MYRIP: variants seen among roughly 807,000 people sequenced by gnomAD.
MYRIP encodes the protein myosin VIIA and Rab interacting protein.
In MYRIP, 49 loss-of-function variants were observed where a neutral mutation model predicts 98.0. That is an observed-to-expected ratio of 0.50 (90% CI 0.40 to 0.63). The LOEUF is 0.63. MYRIP is among the 30% of genes least tolerant of loss of function. MYRIP has a pLI of 0.00. For synonymous variants in MYRIP, 404 were observed against 409.5 expected (o/e 0.99, Z 0.16); for missense variants, 1,004 against 1,058.2 (o/e 0.95, Z 0.71).
At chr3:39,985,207 A>G (rs1191930105) in intron 2 of MYRIP, among the ~76,000 whole-genome samples, 1 of 150,290 alleles carries the variant, frequency 6.7e-6, no homozygotes, top group Non-Finnish European at 1.5e-5. Context: ...CCCATTCACA[A>G]TTGCTTCAAA....
At chr3:40,252,506 A>T (rs2125724963) in intron 16 of MYRIP, among the ~76,000 whole-genome samples, 1 of 152,362 alleles carries the variant, frequency 6.6e-6, no homozygotes, top group East Asian at 1.9e-4. Flanking sequence ...GGCACAATAG[A>T]CATAGCACCG....
At chr3:40,140,910 A>AATC (rs1949878491) in intron 3 of MYRIP, among the ~76,000 whole-genome samples, 1 of 152,238 alleles carries the variant, frequency 6.6e-6, no homozygotes, top group Admixed American at 6.5e-5. Context: ...TTAGACTTAC[A>AATC]ATCTAATTTT....
chr3:40,196,825 T>G (rs1301187783), intron 10 of MYRIP, among the ~76,000 whole-genome samples: 2 of 152,202 alleles, frequency 1.3e-5, no homozygotes. Context: ...TCCTGTAGTT[T>G]TCTTAATTCC....
chr3:40,223,766 A>G (rs1365946927), intron 11 of MYRIP, among the ~76,000 whole-genome samples: 1 of 152,230 alleles, frequency 6.6e-6, no homozygotes, highest in Admixed American at 6.5e-5. Context: ...GGTGCAATGC[A>G]GTATGGATAA....
intron 3 of MYRIP, among the ~76,000 whole-genome samples, chr3:40,106,092 G>T (rs551147213): frequency 2.0e-5 from 3 of 151,950 alleles, no homozygotes; most frequent in Non-Finnish European, 4.4e-5. Flanking sequence ...TTTGGGTGGG[G>T]ACACATATCC....
intron 3 of MYRIP, among the ~76,000 whole-genome samples, chr3:40,053,178 T>C (rs1044037648): frequency 1.3e-5 from 2 of 152,020 alleles, no homozygotes; most frequent in African/African-American, 4.8e-5. Context: ...GTGTTGCCCT[T>C]CCCCCCATCC....
intron 2 of MYRIP, among the ~76,000 whole-genome samples, chr3:39,955,122 C>A (rs1945122401): frequency 6.6e-6 from 1 of 152,072 alleles, no homozygotes; most frequent in South Asian, 2.1e-4. Flanking sequence ...TACAGGAGAA[C>A]TTCCCCAATC....
chr3:39,997,273 TGA>T (rs1946385140), intron 2 of MYRIP, among the ~76,000 whole-genome samples: 1 of 151,340 alleles, frequency 6.6e-6, no homozygotes, highest in Non-Finnish European at 1.5e-5. Context: ...TCAACAAAAT[TGA>T]TAGACCCCTA....
chr3:39,976,817 G>A (rs1198606061), intron 2 of MYRIP, among the ~76,000 whole-genome samples: 1 of 152,088 alleles, frequency 6.6e-6, no homozygotes, highest in Non-Finnish European at 1.5e-5. Flanking sequence ...AACACCGCAT[G>A]TTCTCACTCA....
At chr3:40,032,449 TGTG>T (rs1947282353) in intron 2 of MYRIP, among the ~76,000 whole-genome samples, 1 of 152,162 alleles carries the variant, frequency 6.6e-6, no homozygotes, top group African/African-American at 2.4e-5. Context: ...CTTCCAACTA[TGTG>T]GTCAATTTTT....
intron 1 of MYRIP, among the ~76,000 whole-genome samples, chr3:39,847,120 A>G (rs1477345893): frequency 6.6e-6 from 1 of 152,206 alleles, no homozygotes; most frequent in Non-Finnish European, 1.5e-5. Flanking sequence ...TCCATCCTTT[A>G]TCAACTTGGC....
In MYRIP at chr3:39,870,887, G is replaced by A. The variant is rs559190890; in HGVS notation, c.-30-29900G>A. On this transcript the variant is annotated intron_variant, in intron 1 of 16. Coordinates refer to ENST00000302541, the MANE Select transcript of MYRIP (RefSeq NM_015460.4). ...ACCAACTTATACTATAGTTCATGAC[G>A]TAGTGACTGATGAGTAGTTCAGTAT... Among the ~76,000 whole-genome samples, 126 of 152,254 alleles carry A rather than the reference G, an allele frequency of 8.3e-4. 1 individual carries two copies. The highest frequency in any genetic ancestry group is 2.9e-3 in the African/African-American group (119 of 41,554).
chr3:40,195,564 G>A (rs1951365065), intron 10 of MYRIP, among the ~76,000 whole-genome samples: 1 of 152,136 alleles, frequency 6.6e-6, no homozygotes, highest in Non-Finnish European at 1.5e-5. Flanking sequence ...CCAAAGTGCT[G>A]GGATTACAGG....
At position 40,147,820 on chromosome 3, in the gene MYRIP, T is replaced by C. The variant is rs548258294; in HGVS notation, c.333-3228T>C. On this transcript the variant is annotated intron_variant, in intron 3 of 16. Transcript: ENST00000302541. The stretch of plus-strand genomic sequence containing the variant: ...TACATGTAGATTCTTAATTATATAC[T>C]TATTGAATGCCCCATTTGGGCTGCC... Among the ~76,000 whole-genome samples the C allele has an allele frequency of 5.3e-5, 8 of 152,344 alleles. No homozygotes were observed. In the East Asian group the frequency reaches 1.3e-3, roughly 26 times the overall value.
At chr3:39,871,971 A>G (rs1942803481) in intron 1 of MYRIP, among the ~76,000 whole-genome samples, 1 of 152,078 alleles carries the variant, frequency 6.6e-6, no homozygotes, top group Non-Finnish European at 1.5e-5. Context: ...AGGTGACTGC[A>G]GCTGTCACAC....
chr3:39,960,300 T>C (rs1341714621), intron 2 of MYRIP, among the ~76,000 whole-genome samples: 1 of 152,124 alleles, frequency 6.6e-6, no homozygotes, highest in Non-Finnish European at 1.5e-5. Flanking sequence ...CCAAAGCCCA[T>C]CATATCCAAA....
chr3:40,036,324 A>AAACAAAAC (rs1553607293), intron 2 of MYRIP, among the ~76,000 whole-genome samples: 189 of 125,590 alleles, frequency 1.5e-3, no homozygotes, highest in East Asian at 0.012. Flanking sequence ...AAAAAAAAAA[A>AAACAAAAC]CTTTATTCAA....
intron 3 of MYRIP, among the ~76,000 whole-genome samples, chr3:40,138,214 A>T (rs1008712794): frequency 6.6e-6 from 1 of 152,206 alleles, no homozygotes; most frequent in African/African-American, 2.4e-5. Flanking sequence ...TACAGGACAG[A>T]TGCACAGAGG....
intron 2 of MYRIP, among the ~76,000 whole-genome samples, chr3:40,016,464 G>A (rs1946863571): frequency 6.6e-6 from 1 of 152,152 alleles, no homozygotes; most frequent in Admixed American, 6.5e-5. Context: ...ACCAGCTGAT[G>A]TAGGATACAA....
Sources: allele counts gnomAD v4.1 joint callset (sites outside exome capture counted in the v4.1 genomes callset), GRCh38; gene constraint gnomAD v4.1.1; transcripts MANE v1.5; gene names NCBI Gene and HGNC (gene_info 2026-07-23, HGNC 2026-07-21).